Variants in SHOX observed in about 807,000 individuals in gnomAD.
SHOX encodes SHOX homeobox.
Under a neutral mutation model 29.6 loss-of-function variants are expected in SHOX, and 12 were observed. That is an observed-to-expected ratio of 0.41 (90% confidence interval 0.26 to 0.66). The LOEUF is 0.66. Among genes scored for constraint, SHOX ranks in the 30% least tolerant of loss-of-function variants. SHOX has a pLI of 0.35. For synonymous variants in SHOX, 214 were observed against 200.6 expected (o/e 1.07, Z -0.57); for missense variants, 499 against 437.7 (o/e 1.14, Z -1.25).
chrX:632,567 C>T (rs1432891893), intron 1 of SHOX, among the ~76,000 whole-genome samples: 2 of 151,934 alleles, frequency 1.3e-5, no homozygotes, highest in Non-Finnish European at 2.9e-5. Context: ...TCTCCGGGGC[C>T]CTGCATTTGG....
At position 645,390 on chromosome X, in the gene SHOX, A is replaced by ATTTTTTTTTTTTTTTTT. The variant is rs1168989193; in HGVS notation, c.*771_*787dup. On this transcript the variant is annotated 3_prime_UTR_variant, in exon 5 of 5. Coordinates refer to ENST00000686671, the MANE Select transcript of SHOX (RefSeq NM_000451.4). ...GGGTCTGGTTTTGTTTTGGATTGGT[A>ATTTTTTTTTTTTTTTTT]TTTTTTTTTTTTTTTTTTTTTTTTT... is the stretch of plus-strand genomic sequence containing the variant. 7.7e-5 allele frequency: 6 copies of ATTTTTTTTTTTTTTTTT among 78,332 alleles called. No homozygotes were observed. The highest frequency in any genetic ancestry group is 4.7e-4 in the East Asian group (1 of 2,114). The allele number at this position is 78,332 out of a possible 1,614,324, so 4.9% of individuals were successfully genotyped here. A position where few individuals can be genotyped will look rare whatever the true frequency, so the allele number is the denominator to read the frequency against.
chrX:654,612 C>G (rs183656293), downstream of SHOX, among the ~76,000 whole-genome samples: 1 of 152,010 alleles, frequency 6.6e-6, no homozygotes, highest in South Asian at 2.1e-4. Context: ...TAAAAAAAGT[C>G]AAATAATTAG....
At chrX:654,257 C>G (rs2053106913), downstream of SHOX, among the ~76,000 whole-genome samples, 1 of 151,510 alleles carries the variant, frequency 6.6e-6, no homozygotes, top group South Asian at 2.1e-4. Flanking sequence ...GGCAACATAG[C>G]GAGACCCTCA....
At chrX:657,492 C>G (rs941756046) in intron 5 of SHOX, among the ~76,000 whole-genome samples, 6 of 152,118 alleles carry the variant, frequency 3.9e-5, no homozygotes, top group Non-Finnish European at 7.3e-5. Flanking sequence ...AAAAGCCACA[C>G]AAAATACATC....
chrX:654,922 G>A (rs1428531949), downstream of SHOX, among the ~76,000 whole-genome samples: 8 of 97,646 alleles, frequency 8.2e-5, no homozygotes, highest in African/African-American at 3.3e-4. Context: ...TCCCGACCTC[G>A]GGTGATCCAC....
intron 2 of SHOX, among the ~76,000 whole-genome samples, chrX:636,373 C>T (rs1367575546): frequency 2.0e-4 from 21 of 105,446 alleles, no homozygotes; most frequent in African/African-American, 8.5e-4. Flanking sequence ...TAAATATATA[C>T]AAACATATTG....
chrX:650,237 C>T lies in SHOX; in HGVS notation c.*5601C>T, dbSNP rs1198117502. Among the ~76,000 whole-genome samples, 3 of 152,204 alleles carry T rather than the reference C, an allele frequency of 2.0e-5. No individual in the cohort carries two copies. Among genetic ancestry groups the T allele is most frequent in the Non-Finnish European group, 4.4e-5 (3 of 68,038 alleles). On this transcript the variant is annotated 3_prime_UTR_variant, in exon 5 of 5. Coordinates refer to ENST00000686671, the MANE Select transcript of SHOX (RefSeq NM_000451.4). ...CGTCCAACACCCGTTTTTCCACTTA[C>T]AAAGCTGGTGGTGCGACGGGCTTGG...
At chrX:634,163 G>A (rs1446498201) in intron 1 of SHOX, among the ~76,000 whole-genome samples, 1 of 152,208 alleles carries the variant, frequency 6.6e-6, no homozygotes, top group East Asian at 1.9e-4. Flanking sequence ...CAGCCCTCCT[G>A]CGCTGCAGCG....
In SHOX at chrX:625,081, C is replaced by CCCTCCCTCCCTCCTTCCCTCCCTT. The variant is rs1556452003; in HGVS notation, c.-433+498_-433+499insCCCTTCCTCCCTCCCTCCTTCCCT. Among the ~76,000 whole-genome samples the CCCTCCCTCCCTCCTTCCCTCCCTT allele has an allele frequency of 7.8e-3, 952 of 121,334 alleles. 18 individuals carry two copies. The highest frequency in any genetic ancestry group is 0.033 in the East Asian group (122 of 3,708). The allele number at this position is 121,334 out of a possible 152,430, so 79.6% of individuals were successfully genotyped here. A position where few individuals can be genotyped will look rare whatever the true frequency, so the allele number is the denominator to read the frequency against. Reference sequence around the variant, plus strand: ...TTCCTCCCTCCCTCCCTCCTTCTCTCCCTCCCTCCCTCCTTCCCTTTCTTT... The same window carrying CCCTCCCTCCCTCCTTCCCTCCCTT: ...TTCCTCCCTCCCTCCCTCCTTCTCTCCCTCCCTCCCTCCTTCCCTCCCTTCCTCCCTCCCTCCTTCCCTTTCTTT... On this transcript the variant is annotated intron_variant, in intron 1 of 5. Transcript: ENST00000334060.
intron 1 of SHOX, among the ~76,000 whole-genome samples, chrX:632,724 C>T (rs1333872828): frequency 2.0e-5 from 3 of 152,156 alleles, no homozygotes; most frequent in Non-Finnish European, 2.9e-5. Context: ...GGCAGGAGCC[C>T]AGCCTGCCTT....
intron 2 of SHOX, among the ~76,000 whole-genome samples, chrX:640,064 G>T (rs1358619605): frequency 6.7e-6 from 1 of 150,374 alleles, no homozygotes. Flanking sequence ...CCAGTTCTAG[G>T]CCAGGTGCAG....
downstream of SHOX, among the ~76,000 whole-genome samples, chrX:655,690 C>T (rs1230977989): frequency 6.9e-6 from 1 of 144,152 alleles, no homozygotes; most frequent in Non-Finnish European, 1.5e-5. Flanking sequence ...ACCAGCTCAT[C>T]TACTGGTTTT....
chrX:651,705 C>T (rs1269720727), downstream of SHOX, among the ~76,000 whole-genome samples: 2 of 151,000 alleles, frequency 1.3e-5, no homozygotes, highest in Non-Finnish European at 2.9e-5. Flanking sequence ...TTGTTCTGCT[C>T]CGTGCATTTC....
chrX:634,760 T>C lies in SHOX; in HGVS notation c.420T>C (p.His140=), dbSNP rs780800997. The change falls in exon 2 of 5, where the codon CAT becomes CAC. Residue 140 remains histidine (H), a synonymous_variant. Transcript: ENST00000686671. ...TCGAGCGACTCTTCGACGAGACCCA[T>C]TACCCCGACGCCTTCATGCGCGAGG... ...NELERLFDET[H]YPDAFMREEL... 1.7e-5 allele frequency: 27 copies of C among 1,610,296 alleles called. 1 individual carries two copies. In the South Asian group the frequency reaches 2.7e-4, roughly 16 times the overall value.
At chrX:659,083 A>T (rs1346203405) in exon 6 of SHOX, 5 of 144,898 alleles carry the variant, frequency 3.5e-5, no homozygotes, top group South Asian at 2.2e-4. Flanking sequence ...TTTATTTTTA[A>T]TTTTTTTTTT....
At chrX:651,805 C>A (rs1177566788), downstream of SHOX, among the ~76,000 whole-genome samples, 1 of 152,032 alleles carries the variant, frequency 6.6e-6, no homozygotes, top group Non-Finnish European at 1.5e-5. Context: ...TTTACTGAAA[C>A]CTACCTCCCC....
At chrX:653,943 C>G (rs890753703), downstream of SHOX, among the ~76,000 whole-genome samples, 1 of 151,948 alleles carries the variant, frequency 6.6e-6, no homozygotes, top group Admixed American at 6.6e-5. Flanking sequence ...TTGTTTTAAA[C>G]TTTGCAAGCA....
chrX:625,413 C>T (rs1426726828), intron 1 of SHOX, among the ~76,000 whole-genome samples: 1 of 152,086 alleles, frequency 6.6e-6, no homozygotes, highest in Non-Finnish European at 1.5e-5. Context: ...TAACAAGACA[C>T]GGTGAAAAGT....
intron 4 of SHOX, among the ~76,000 whole-genome samples, chrX:642,060 G>T (rs1187210355): frequency 2.0e-5 from 3 of 152,192 alleles, no homozygotes; most frequent in Admixed American, 6.5e-5. Flanking sequence ...GGGAGTCGGG[G>T]TTCGGTCGCG....
Sources: allele counts gnomAD v4.1 joint callset (sites outside exome capture counted in the v4.1 genomes callset), GRCh38; gene constraint gnomAD v4.1.1; transcripts MANE v1.5; gene names NCBI Gene and HGNC (gene_info 2026-07-23, HGNC 2026-07-21).